SLC34A1: variants seen among roughly 807,000 people sequenced by gnomAD.
The protein encoded by SLC34A1 is solute carrier family 34 member 1, also known as sodium-dependent phosphate transport protein 2A.
In SLC34A1, 57 loss-of-function variants were observed where a neutral mutation model predicts 51.4. The observed-to-expected ratio is 1.11, with a 90% CI of 0.90 to 1.38. The LOEUF is 1.38. SLC34A1 is among the 40% of genes most tolerant of loss of function. The probability of loss-of-function intolerance (pLI) is 0.00; values close to 1 mark genes in which losing one functional copy is unlikely to be tolerated. For missense variants in SLC34A1, 796 were observed against 835.6 expected (o/e 0.95, Z 0.58); for synonymous variants, 368 against 358.0 (o/e 1.03, Z -0.32).
rs777574121 is a variant in SLC34A1 at position 177,386,304 on chromosome 5, G to A, written c.343G>A (p.Val115Ile). Reference protein sequence around the residue: ...PLMLTFLYLFVCSLDMLSSAF... With the variant: ...PLMLTFLYLFICSLDMLSSAF... ...GATGCTCACCTTCCTCTACCTCTTCGTCTGCTCCCTGGACATGCTCAGCTC... is the reference window on the plus strand; with the variant it reads ...GATGCTCACCTTCCTCTACCTCTTCATCTGCTCCCTGGACATGCTCAGCTC... Residue 115 changes from valine to isoleucine, a missense_variant, in exon 4 of 13, where the codon GTC becomes ATC. Physicochemically the swap from Val to Ile is conservative, Grantham distance 29. Transcript: ENST00000324417. This position sits in a 1 kb window ranked among gnomAD's most constrained non-coding sequence, Gnocchi z 4.8. The A allele has an allele frequency of 1.3e-4, 203 of 1,614,232 alleles. 3 individuals are homozygous for A. In the East Asian group the frequency reaches 4.2e-3, roughly 33 times the overall value.
chr5:177,397,187 A>C (rs1762999388), intron 12 of SLC34A1, 113 bp downstream of exon 12: 3 of 1,376,862 alleles, frequency 2.2e-6, no homozygotes, highest in Non-Finnish European at 3.0e-6. Flanking sequence ...ACTAAGGGCC[A>C]CCTAATATGC....
At chr5:177,394,435 A>G (rs1363001981) in intron 10 of SLC34A1, among the ~76,000 whole-genome samples, 1 of 152,348 alleles carries the variant, frequency 6.6e-6, no homozygotes, top group South Asian at 2.1e-4. Context: ...GTTTGATTCA[A>G]TCAACAAAGA....
rs1297166192 is a variant in SLC34A1, at chr5:177,398,151, CGCCACCCTAT to C, written c.1788_1797del (p.Thr597ValfsTer82). On this transcript the variant is annotated frameshift_variant, in exon 13 of 13. Transcript: ENST00000324417. LOFTEE classifies it high-confidence loss of function. This position sits in a 1 kb window ranked among gnomAD's most constrained non-coding sequence, Gnocchi z 4.7. ...AGCCCCTGGACCACCTCATCACCCGCGCCACCCTATGCTGTGCCAGGCCTGAGCCCCGCTC... is the reference window on the plus strand; with the variant it reads ...AGCCCCTGGACCACCTCATCACCCGCGCTGTGCCAGGCCTGAGCCCCGCTC... 1 of 1,611,734 alleles carries C rather than the reference CGCCACCCTAT, an allele frequency of 6.2e-7. No individual in the cohort carries two copies. The highest frequency in any genetic ancestry group is 1.3e-5 in the African/African-American group (1 of 74,910).
At chr5:177,395,144 C>T (rs1025303320) in intron 10 of SLC34A1, among the ~76,000 whole-genome samples, 1 of 151,730 alleles carries the variant, frequency 6.6e-6, no homozygotes, top group Non-Finnish European at 1.5e-5. Context: ...TGCACTCCGA[C>T]CTGTGCAACA....
chr5:177,386,683 T>C lies in SLC34A1; in HGVS notation c.532+117T>C. On this transcript the variant is annotated intron_variant, in intron 5 of 12. Coordinates refer to ENST00000324417, the MANE Select transcript of SLC34A1 (RefSeq NM_003052.5). The surrounding 1 kb of genome is among the most constrained non-coding windows in gnomAD (Gnocchi z 4.8). ...TGGCCTCCATTCAGCTTGACTCCTG[T>C]ATCAGCCAGGGACATGAGAGGAGCC... 2 of 1,247,086 alleles carry C rather than the reference T, an allele frequency of 1.6e-6. No homozygotes were observed. The highest frequency in any genetic ancestry group is 2.3e-6 in the Non-Finnish European group (2 of 864,260). 77.3% of individuals were successfully genotyped at this position (1,247,086 alleles called of 1,614,324 possible).
In SLC34A1 at chr5:177,385,717, G is replaced by A. The variant is rs1463251791; in HGVS notation, c.-25G>A. 2.5e-6 allele frequency: 4 copies of A among 1,569,818 alleles called. No individual in the cohort carries two copies. The highest frequency in any genetic ancestry group is 2.6e-6 in the Non-Finnish European group (3 of 1,143,340). On this transcript the variant is annotated 5_prime_UTR_variant, in exon 2 of 13. Transcript: ENST00000324417. ...CAGCGTTGCTGAGACCCACTGACCTGCAGACCTCATAGTGGGTGCCCAGGA... is the reference window on the plus strand; with the variant it reads ...CAGCGTTGCTGAGACCCACTGACCTACAGACCTCATAGTGGGTGCCCAGGA...
At position 177,398,010 on chromosome 5, in the gene SLC34A1, C is replaced by CG; in HGVS notation, c.1648dup (p.Ala550GlyfsTer55). ...TCATGGTAGGTGTGGGCACGCCCTT[C>CG]GGGGCCCTGCTGGCCTTCGTGGTGC... On this transcript the variant is annotated frameshift_variant, in exon 13 of 13. Coordinates refer to ENST00000324417, the MANE Select transcript of SLC34A1 (RefSeq NM_003052.5). LOFTEE classifies it high-confidence loss of function. The surrounding 1 kb of genome is among the most constrained non-coding windows in gnomAD (Gnocchi z 4.7). 1 of 1,614,000 alleles carries CG rather than the reference C, an allele frequency of 6.2e-7. No individual in the cohort carries two copies. The highest frequency in any genetic ancestry group is 8.5e-7 in the Non-Finnish European group (1 of 1,179,994).
chr5:177,394,028 G>T lies in SLC34A1; in HGVS notation c.1007G>T (p.Cys336Phe). The change falls in exon 10 of 13, where the codon TGC becomes TTC. Residue 336 changes from cysteine to phenylalanine, a missense_variant and splice_region_variant. Cys to Phe is a radical substitution (Grantham distance 205, BLOSUM62 -2). Transcript: ENST00000324417. ...QTLGNATMEK[C>F]NHIFVDTGLP... ...CTGTCAGGAGCTCCACCCCCTGCAGGCAACCACATCTTTGTGGACACTGGC... is the reference window on the plus strand; with the variant it reads ...CTGTCAGGAGCTCCACCCCCTGCAGTCAACCACATCTTTGTGGACACTGGC... 6 of 1,613,980 alleles carry T rather than the reference G, an allele frequency of 3.7e-6. No individual in the cohort carries two copies. Among genetic ancestry groups the T allele is most frequent in the Non-Finnish European group, 5.1e-6 (6 of 1,180,024 alleles).
rs898840948 is a variant in SLC34A1, at chr5:177,386,752, TG to T, written c.532+188del. Among the ~76,000 whole-genome samples, 1 of 151,998 alleles carries T rather than the reference TG, an allele frequency of 6.6e-6. No individual in the cohort carries two copies. The highest frequency in any genetic ancestry group is 2.4e-5 in the African/African-American group (1 of 41,380). ...ACCCAGATGATTTATGGCAAGGAAC[TG>T]GCTTCCCCGATGGTAGTTTGTCTGG... On this transcript the variant is annotated intron_variant, in intron 5 of 12. Transcript: ENST00000324417. The surrounding 1 kb of genome is among the most constrained non-coding windows in gnomAD (Gnocchi z 4.8).
At position 177,388,099 on chromosome 5, in the gene SLC34A1, T is replaced by G. The variant is rs757361049; in HGVS notation, c.750T>G (p.Leu250=). 1.2e-6 allele frequency: 2 copies of G among 1,614,108 alleles called. No individual in the cohort carries two copies. The highest frequency in any genetic ancestry group is 1.7e-6 in the Non-Finnish European group (2 of 1,179,998). The change falls in exon 7 of 13, where the codon CTT becomes CTG. Residue 250 remains leucine, a synonymous_variant. Transcript: ENST00000324417. The surrounding 1 kb of genome is among the most constrained non-coding windows in gnomAD (Gnocchi z 4.3). ...ATGYLHHITR[L]VVASFNIHGG... is the part of the protein sequence containing the mutation. The stretch of plus-strand genomic sequence containing the variant: ...GCTACCTGCACCACATCACTCGACT[T>G]GTGGTGGCCTCCTTCAACATCCATG...
Position 177,388,173 on chromosome 5 carries a change from C to G in SLC34A1, c.824C>G (p.Thr275Arg). The change falls in exon 7 of 13, where the codon ACG (threonine) becomes AGG (arginine). Residue 275 changes from threonine (T) to arginine (R), a missense_variant. Thr to Arg is a moderately conservative substitution (Grantham distance 71). Coordinates refer to ENST00000324417, the MANE Select transcript of SLC34A1 (RefSeq NM_003052.5). This position sits in a 1 kb window ranked among gnomAD's most constrained non-coding sequence, Gnocchi z 4.3. ...DLLKIITEPF[T>R]KLIIQLDESV... Reference sequence around the variant, plus strand: ...CTCAAGATCATCACAGAGCCCTTCACGAAGCTCATCATCCAGGTGACAGCA... The same window carrying G: ...CTCAAGATCATCACAGAGCCCTTCAGGAAGCTCATCATCCAGGTGACAGCA... The G allele has an allele frequency of 6.2e-7, 1 of 1,614,142 alleles. No individual in the cohort carries two copies.
chr5:177,394,091 G>C lies in SLC34A1; in HGVS notation c.1070G>C (p.Gly357Ala). The C allele has an allele frequency of 6.2e-7, 1 of 1,614,056 alleles. No individual in the cohort carries two copies. The highest frequency in any genetic ancestry group is 8.5e-7 in the Non-Finnish European group (1 of 1,180,032). The change falls in exon 10 of 13, where the codon GGA becomes GCA. Residue 357 changes from glycine to alanine, a missense_variant. Physicochemically the swap from Gly to Ala is moderately conservative, Grantham distance 60. Transcript: ENST00000324417. The part of the protein sequence containing the change: ...DLAVGLILLA[G>A]SLVLLCTCLI... ...GCTGTGGGGCTCATCCTGCTGGCAGGATCCCTGGTGCTGCTGTGCACCTGC... is the reference window on the plus strand; with the variant it reads ...GCTGTGGGGCTCATCCTGCTGGCAGCATCCCTGGTGCTGCTGTGCACCTGC...
intron 10 of SLC34A1, among the ~76,000 whole-genome samples, chr5:177,394,910 G>C (rs1762913735): frequency 6.6e-6 from 1 of 151,856 alleles, no homozygotes; most frequent in Admixed American, 6.6e-5. Flanking sequence ...GGCCAGGCTG[G>C]TCTCAAACTC....
Position 177,398,232 on chromosome 5 carries a change from C to T in SLC34A1, c.1866C>T (p.Ala622=). 1 of 1,601,478 alleles carries T rather than the reference C, an allele frequency of 6.2e-7. No homozygotes were observed. The highest frequency in any genetic ancestry group is 1.1e-5 in the South Asian group (1 of 91,078). ...TCTTCCTGGAGGAGCTACCCCCTGCCACACCCTCCCCCCGTCTTGCACTGC... is the reference window on the plus strand; with the variant it reads ...TCTTCCTGGAGGAGCTACCCCCTGCTACACCCTCCCCCCGTCTTGCACTGC... ...PRVFLEELPP[A]TPSPRLALPA... is the part of the protein sequence containing the mutation. The change falls in exon 13 of 13, where the codon GCC becomes GCT. Residue 622 remains alanine (A), a synonymous_variant. Coordinates refer to ENST00000324417, the MANE Select transcript of SLC34A1 (RefSeq NM_003052.5). The surrounding 1 kb of genome is among the most constrained non-coding windows in gnomAD (Gnocchi z 4.7).
At position 177,396,616 on chromosome 5, in the gene SLC34A1, G is replaced by A. The variant is rs1172207944; in HGVS notation, c.1175-117G>A. The A allele has an allele frequency of 1.5e-5, 11 of 740,808 alleles. No homozygotes were observed. Among genetic ancestry groups the A allele is most frequent in the Non-Finnish European group, 2.2e-5 (9 of 415,992 alleles). 45.9% of individuals were successfully genotyped at this position (740,808 alleles called of 1,614,324 possible). A position where few individuals can be genotyped will look rare whatever the true frequency, so the allele number is the denominator to read the frequency against. ...GGTCCTCTCTCCCAGTGCCCCCGCG[G>A]AGATCCGCTCTCCCAGTGCCCCCGC... On this transcript the variant is annotated intron_variant, in intron 10 of 12. Transcript: ENST00000324417. The surrounding 1 kb of genome is among the most constrained non-coding windows in gnomAD (Gnocchi z 4.0).
chr5:177,392,010 CTA>C (rs1762821337), intron 8 of SLC34A1, among the ~76,000 whole-genome samples: 1 of 152,206 alleles, frequency 6.6e-6, no homozygotes, highest in African/African-American at 2.4e-5. Flanking sequence ...CCATCGCAGC[CTA>C]TTTTTTCCAG....
chr5:177,385,298 G>A (rs542971304), intron 1 of SLC34A1, among the ~76,000 whole-genome samples: 8 of 152,298 alleles, frequency 5.3e-5, no homozygotes, highest in East Asian at 3.9e-4. Context: ...CAGGCTGGGC[G>A]TCCTCAGTTC....
At chr5:177,389,527 G>A in intron 8 of SLC34A1, 1 of 1,391,824 alleles carries the variant, frequency 7.2e-7, no homozygotes, top group Non-Finnish European at 9.7e-7. Context: ...AACCCCTGCG[G>A]GCAGCTTTTA....
rs552232794 is a variant in SLC34A1, at chr5:177,387,514, C to T, written c.533-248C>T. 2.0e-4 allele frequency among the ~76,000 whole-genome samples: 31 copies of T among 152,352 alleles called. 1 individual carries two copies. In the South Asian group the frequency reaches 3.1e-3, roughly 15 times the overall value. On this transcript the variant is annotated intron_variant, in intron 5 of 12. Transcript: ENST00000324417. ...GAGCCCTCATAACGAAGGCCTCACACGCACACACGTTCACATCCATACACC... is the reference window on the plus strand; with the variant it reads ...GAGCCCTCATAACGAAGGCCTCACATGCACACACGTTCACATCCATACACC...
Sources: allele counts gnomAD v4.1 joint callset (sites outside exome capture counted in the v4.1 genomes callset), GRCh38; gene constraint gnomAD v4.1.1; non-coding constraint Gnocchi (gnomAD v3.1); transcripts MANE v1.5; gene names NCBI Gene and HGNC (gene_info 2026-07-23, HGNC 2026-07-21).